CSMD3: variants seen among roughly 807,000 people sequenced by gnomAD.
CSMD3 encodes the protein CUB and sushi domain-containing protein 3.
In CSMD3, 177 loss-of-function variants were observed where a neutral mutation model predicts 435.2. The ratio of observed to expected loss-of-function variants is 0.41; its 90% CI spans 0.36 to 0.46. The LOEUF (loss-of-function observed/expected upper bound fraction) is 0.46, where lower values mean the gene tolerates loss of function less well. Ranked by LOEUF, CSMD3 falls within the 20% of genes least tolerant of loss-of-function variation. The pLI is 0.34. For missense variants in CSMD3, 4,265 were observed against 4,504.6 expected (o/e 0.95, Z 1.52); for synonymous variants, 1,656 against 1,520.5 (o/e 1.09, Z -2.07).
intron 32 of CSMD3, among the ~76,000 whole-genome samples, chr8:112,445,527 T>C (rs999090247): frequency 6.6e-6 from 1 of 152,060 alleles, no homozygotes; most frequent in Non-Finnish European, 1.5e-5. Flanking sequence ...CACATTCTTT[T>C]AGACAACCAG....
At chr8:112,778,868 G>A (rs767007015) in intron 13 of CSMD3, among the ~76,000 whole-genome samples, 21 of 151,872 alleles carry the variant, frequency 1.4e-4, no homozygotes, top group Non-Finnish European at 2.5e-4. Context: ...CCTGGATCTG[G>A]GCCATTTTAA....
intron 10 of CSMD3, among the ~76,000 whole-genome samples, chr8:112,919,268 A>G (rs1467675793): frequency 6.6e-6 from 1 of 151,872 alleles, no homozygotes; most frequent in African/African-American, 2.4e-5. Context: ...GCAATCTAAA[A>G]AGTCCAATCA....
chr8:113,284,255 A>G (rs2093630996), intron 2 of CSMD3, among the ~76,000 whole-genome samples: 1 of 152,098 alleles, frequency 6.6e-6, no homozygotes, highest in East Asian at 1.9e-4. Context: ...AGTGTTTGGG[A>G]CTCAGAGTCT....
At chr8:112,800,557 T>C (rs987771463) in intron 12 of CSMD3, among the ~76,000 whole-genome samples, 11 of 152,068 alleles carry the variant, frequency 7.2e-5, no homozygotes, top group African/African-American at 2.4e-4. Context: ...AGTACTTGTC[T>C]TTTGAACTGA....
rs1270897288 is a variant in CSMD3, at chr8:112,304,779, G to A, written c.8208C>T (p.Ser2736=). Residue 2736 remains serine (S), a synonymous_variant, in exon 52 of 71, where the codon TCC becomes TCT. Coordinates refer to ENST00000297405, the MANE Select transcript of CSMD3 (RefSeq NM_198123.2). ...DPGYHGLGPA[S]IECLPNGTWS... ...AAGTACCATTAGGAAGACATTCGATGGAGGCAGGACCTAGTCCATGATAAC... is the reference window on the plus strand; with the variant it reads ...AAGTACCATTAGGAAGACATTCGATAGAGGCAGGACCTAGTCCATGATAAC... 3.1e-6 allele frequency: 5 copies of A among 1,613,878 alleles called. No individual in the cohort carries two copies. The Admixed American group carries it at 5.0e-5, about 16-fold the overall frequency.
intron 4 of CSMD3, among the ~76,000 whole-genome samples, chr8:113,108,915 G>A (rs2090559755): frequency 1.3e-5 from 2 of 152,130 alleles, no homozygotes; most frequent in Non-Finnish European, 2.9e-5. Flanking sequence ...TGGCAAATGT[G>A]CATGTGTAAA....
rs904562910 is a variant in CSMD3, at chr8:112,231,587, T to C, written c.10786A>G (p.Ile3596Val). The C allele has an allele frequency of 3.7e-6, 6 of 1,612,504 alleles. No homozygotes were observed. The African/African-American group carries it at 8.0e-5, about 22-fold the overall frequency. The change falls in exon 69 of 71, where the codon ATT becomes GTT. Residue 3596 changes from isoleucine (I) to valine (V), a missense_variant. By Grantham distance (29) the Ile-to-Val change is conservative. Transcript: ENST00000297405. ...AATTGTCCATAATCTTTGCCTTGAA[T>C]AAATCCTTGAAATACATAAGTAGCT... ...DGATYVFQGF[I>V]QGKDYGQFGL...
intron 4 of CSMD3, among the ~76,000 whole-genome samples, chr8:113,105,524 A>G (rs2090449251): frequency 6.6e-6 from 1 of 152,156 alleles, no homozygotes; most frequent in Admixed American, 6.5e-5. Context: ...AATGCATGCA[A>G]TTGGATGAAA....
At position 112,224,918 on chromosome 8, in the gene CSMD3, T is replaced by G. The variant is rs892328302; in HGVS notation, c.10977A>C (p.Lys3659Asn). The G allele has an allele frequency of 9.3e-6, 15 of 1,613,920 alleles. No individual in the cohort carries two copies. Among genetic ancestry groups the G allele is most frequent in the African/African-American group, 2.7e-5 (2 of 74,928 alleles). Residue 3659 changes from lysine (K) to asparagine (N), a missense_variant, in exon 71 of 71, where the codon AAA becomes AAC. Physicochemically the swap from Lys to Asn is moderately conservative, Grantham distance 94. Around this residue, in one of 3 missense-constraint regions of CSMD3, gnomAD observed 3,255 missense variants for 3,380.2 expected, o/e 0.96. Coordinates refer to ENST00000297405, the MANE Select transcript of CSMD3 (RefSeq NM_198123.2). ...GAACTGAACATCCTGTATACTGTGT[T>G]TTAGGTGCAGTCCTGTTGATGAGAA... ...FYLYKQRTAP[K>N]TQYTGCSVHE...
At chr8:113,015,931 T>G (rs1446991275) in intron 6 of CSMD3, among the ~76,000 whole-genome samples, 1 of 151,870 alleles carries the variant, frequency 6.6e-6, no homozygotes, top group African/African-American at 2.4e-5. Context: ...GTTTTACTAT[T>G]TAGGTGAGAA....
At chr8:112,761,673 T>C (rs1409148917) in intron 13 of CSMD3, among the ~76,000 whole-genome samples, 3 of 152,128 alleles carry the variant, frequency 2.0e-5, no homozygotes, top group East Asian at 1.9e-4. Context: ...AACTATACTA[T>C]ACAAACATTT....
In CSMD3 at chr8:112,761,227, C is replaced by T. The variant is rs934189360; in HGVS notation, c.1972+38935G>A. On this transcript the variant is annotated intron_variant, in intron 13 of 70. Transcript: ENST00000297405. ...ATTTCTCATTAAACATGCCACTGAA[C>T]AGTAATATCTCTATCATTTAAAAAA... is the stretch of plus-strand genomic sequence containing the variant. 1.1e-4 allele frequency among the ~76,000 whole-genome samples: 17 copies of T among 151,898 alleles called. No individual in the cohort carries two copies. In the East Asian group the frequency reaches 1.2e-3, roughly 10 times the overall value.
chr8:113,086,370 C>T (rs961011615), intron 5 of CSMD3, among the ~76,000 whole-genome samples: 1 of 152,032 alleles, frequency 6.6e-6, no homozygotes, highest in African/African-American at 2.4e-5. Context: ...TAAACCATGA[C>T]GTTTTGTAAT....
intron 1 of CSMD3, among the ~76,000 whole-genome samples, chr8:113,362,731 T>C (rs2094285591): frequency 6.6e-6 from 1 of 152,214 alleles, no homozygotes; most frequent in Admixed American, 6.5e-5. Context: ...CCCCACTCAA[T>C]ATCACACTTT....
chr8:112,715,196 AGAGAT>A (rs1452382041), intron 13 of CSMD3, among the ~76,000 whole-genome samples: 1 of 152,196 alleles, frequency 6.6e-6, no homozygotes, highest in African/African-American at 2.4e-5. Context: ...GAAGGAGAAA[AGAGAT>A]AAGAATCAAA....
chr8:112,633,119 C>G (rs1260197430), intron 22 of CSMD3, among the ~76,000 whole-genome samples: 1 of 151,882 alleles, frequency 6.6e-6, no homozygotes, highest in Non-Finnish European at 1.5e-5. Context: ...TAAAACTTTT[C>G]CTGTTATACT....
intron 13 of CSMD3, among the ~76,000 whole-genome samples, chr8:112,783,130 C>T (rs1190619456): frequency 1.3e-5 from 2 of 151,818 alleles, no homozygotes; most frequent in African/African-American, 2.4e-5. Context: ...ATAACTACAA[C>T]AAATTCCAAG....
intron 38 of CSMD3, among the ~76,000 whole-genome samples, chr8:112,371,910 A>AAAAAC (rs1391794658): frequency 1.3e-5 from 2 of 152,022 alleles, no homozygotes; most frequent in Non-Finnish European, 2.9e-5. Context: ...CAAAAAAACA[A>AAAAAC]AAAACAAAAC....
chr8:112,673,273 A>G (rs1486100545), intron 16 of CSMD3, among the ~76,000 whole-genome samples: 1 of 151,990 alleles, frequency 6.6e-6, no homozygotes, highest in Non-Finnish European at 1.5e-5. Context: ...AAAAAATTAC[A>G]ATGAACAAGT....
Sources: allele counts gnomAD v4.1 joint callset (sites outside exome capture counted in the v4.1 genomes callset), GRCh38; gene constraint gnomAD v4.1.1; regional missense constraint gnomAD v4.1.1; transcripts MANE v1.5; gene names NCBI Gene and HGNC (gene_info 2026-07-23, HGNC 2026-07-21).